TUBGCP2: variants seen among roughly 807,000 people sequenced by gnomAD.
TUBGCP2 encodes the protein tubulin gamma complex component 2, also known as gamma-tubulin complex component 2.
Under a neutral mutation model 92.2 loss-of-function variants are expected in TUBGCP2, and 55 were observed. The observed-to-expected ratio is 0.60, with a 90% confidence interval of 0.48 to 0.75. The LOEUF is 0.75. TUBGCP2 is among the 30% of genes least tolerant of loss of function. TUBGCP2 has a pLI of 0.00. For synonymous variants in TUBGCP2, 533 were observed against 505.2 expected (o/e 1.06, Z -0.74); for missense variants, 1,093 against 1,188.9 (o/e 0.92, Z 1.19).
At chr10:133,311,343 A>G (rs188726721), upstream of TUBGCP2, among the ~76,000 whole-genome samples, 211 of 152,298 alleles carry the variant, frequency 1.4e-3, no homozygotes, top group African/African-American at 4.8e-3. Context: ...AAACCGTGCA[A>G]TGCTGGATTA....
At chr10:133,311,656 G>A, upstream of TUBGCP2, 1 of 1,409,370 alleles carries the variant, frequency 7.1e-7, no homozygotes, top group Non-Finnish European at 9.8e-7. Flanking sequence ...GTTCATTTCT[G>A]GGGAACACAG....
In TUBGCP2 at chr10:133,282,341, T is replaced by G; in HGVS notation, c.2291A>C (p.Lys764Thr). The G allele has an allele frequency of 6.3e-7, 1 of 1,591,228 alleles. No homozygotes were observed. The highest frequency in any genetic ancestry group is 8.6e-7 in the Non-Finnish European group (1 of 1,167,136). Reference protein sequence around the residue: ...VCVMFTNCMQKFTQSMKLDGE... With the variant: ...VCVMFTNCMQTFTQSMKLDGE... ...ATCTAATTTCATGCTCTGTGTAAAT[T>G]TCTAGGGGGGGAGAGTCGCAAGGAA... Residue 764 changes from lysine to threonine, a missense_variant and splice_region_variant, in exon 16 of 18, where the codon AAA becomes ACA. Around this residue, in one of 3 missense-constraint regions of TUBGCP2, gnomAD observed 598 missense variants for 675.5 expected, o/e 0.89. Coordinates refer to ENST00000252936, the MANE Select transcript of TUBGCP2 (RefSeq NM_006659.4).
chr10:133,292,678 C>A lies in TUBGCP2; in HGVS notation c.1035G>T (p.Val345=), dbSNP rs755254307. ...MDILASLATS[V]DKGECLGGST... is the part of the protein sequence containing the mutation. ...ACCCCCCAAGACATTCGCCTTTGTC[C>A]ACCGAGGTGGCTGTGGGGAGAAAGG... The change falls in exon 8 of 18, where the codon GTG becomes GTT. Residue 345 remains valine (V), a synonymous_variant. Transcript: ENST00000252936. 1 of 1,613,132 alleles carries A rather than the reference C, an allele frequency of 6.2e-7. No homozygotes were observed. Among genetic ancestry groups the A allele is most frequent in the Non-Finnish European group, 8.5e-7 (1 of 1,179,544 alleles).
chr10:133,279,714 T>C lies in TUBGCP2; in HGVS notation c.*52A>G. 1 of 1,504,344 alleles carries C rather than the reference T, an allele frequency of 6.6e-7. No individual in the cohort carries two copies. Among genetic ancestry groups the C allele is most frequent in the Non-Finnish European group, 8.9e-7 (1 of 1,125,922 alleles). 93.2% of individuals were successfully genotyped at this position (1,504,344 alleles called of 1,614,324 possible). A position where few individuals can be genotyped will look rare whatever the true frequency, so the allele number is the denominator to read the frequency against. ...TTCGATTTGAAAATTCTGGACCCAT[T>C]TGCACCAGTCCCTGCTGACCCCACA... On this transcript the variant is annotated 3_prime_UTR_variant, in exon 18 of 18. Transcript: ENST00000252936.
At chr10:133,307,192 G>A (rs929348960) in intron 1 of TUBGCP2, among the ~76,000 whole-genome samples, 1 of 152,228 alleles carries the variant, frequency 6.6e-6, no homozygotes. Context: ...CCTTCTTGAT[G>A]CTCCTGAATT....
rs1564938773 is a variant in TUBGCP2, at chr10:133,291,251, CAT to C, written c.1214+1246_1214+1247del. On this transcript the variant is annotated intron_variant, in intron 8 of 17. Transcript: ENST00000252936. Reference sequence around the variant, plus strand: ...GGCAGCACGCGCCCTCCGTGTCCCCCATGTCCCTCCGTGTCCCCCATGTCCCT... The same window carrying C: ...GGCAGCACGCGCCCTCCGTGTCCCCCGTCCCTCCGTGTCCCCCATGTCCCT... 5.6e-4 allele frequency among the ~76,000 whole-genome samples: 38 copies of C among 67,364 alleles called. 4 individuals carry two copies. The African/African-American group carries it at 8.8e-3, about 16-fold the overall frequency. The allele number at this position is 67,364 out of a possible 152,430, so 44.2% of individuals were successfully genotyped here. A position where few individuals can be genotyped will look rare whatever the true frequency, so the allele number is the denominator to read the frequency against.
intron 4 of TUBGCP2, among the ~76,000 whole-genome samples, 175 bp from the exon 5 acceptor site, chr10:133,298,286 CG>C (rs1847539074): frequency 6.6e-6 from 1 of 152,222 alleles, no homozygotes; most frequent in Non-Finnish European, 1.5e-5. Context: ...CCTGCCACAA[CG>C]TGAGGGGCTG....
chr10:133,298,093 TTC>T lies in TUBGCP2; in HGVS notation c.473_474del (p.Arg158LysfsTer25). The T allele has an allele frequency of 6.2e-7, 1 of 1,613,968 alleles. No individual in the cohort carries two copies. Among genetic ancestry groups the T allele is most frequent in the Non-Finnish European group, 8.5e-7 (1 of 1,179,954 alleles). ...TTGTTCTGCTTGTCTCGAAGCATCTTTCTTTTAAGTTCCAGAGACTAGCAAGG... is the reference window on the plus strand; with the variant it reads ...TTGTTCTGCTTGTCTCGAAGCATCTTTTTTAAGTTCCAGAGACTAGCAAGG... ...STLQQSLELK[R>X]KMLRDKQNKK... On this transcript the variant is annotated frameshift_variant, in exon 5 of 18. Transcript: ENST00000252936. LOFTEE classifies it high-confidence loss of function.
At chr10:133,291,803 C>A (rs868794949) in intron 8 of TUBGCP2, among the ~76,000 whole-genome samples, 3 of 31,562 alleles carry the variant, frequency 9.5e-5, no homozygotes, top group African/African-American at 1.0e-4. Flanking sequence ...CAGCACGCGC[C>A]CTCCGTGTCC....
At chr10:133,289,086 T>C in intron 9 of TUBGCP2, 66 bp from the exon 10 acceptor site, 1 of 1,552,030 alleles carries the variant, frequency 6.4e-7, no homozygotes, top group Non-Finnish European at 8.7e-7. Flanking sequence ...GCTGTCTTTG[T>C]CTACACAGGA....
At chr10:133,283,837 G>C in intron 14 of TUBGCP2, 45 bp downstream of exon 14, 1 of 1,605,846 alleles carries the variant, frequency 6.2e-7, no homozygotes, top group Non-Finnish European at 8.5e-7. Flanking sequence ...CCCTGTGAAA[G>C]GAAAGTGGCT....
intron 13 of TUBGCP2, 135 bp from the exon 14 acceptor site, chr10:133,284,137 C>T: frequency 7.2e-7 from 1 of 1,390,226 alleles, no homozygotes; most frequent in Non-Finnish European, 9.5e-7. Flanking sequence ...GAGCAAGCGC[C>T]CCTCCCAGCA....
At chr10:133,301,725 T>TTTTTTTTTTTTC (rs1847661994) in intron 2 of TUBGCP2, 2 of 134,936 alleles carry the variant, frequency 1.5e-5, no homozygotes, top group African/African-American at 5.9e-5. Context: ...TTTTTTTTTT[T>TTTTTTTTTTTTC]TTTTTGAGAC....
At chr10:133,300,351 A>G in intron 2 of TUBGCP2, 1 of 396,634 alleles carries the variant, frequency 2.5e-6, no homozygotes. Flanking sequence ...CGAGGCTGGT[A>G]GACTGCTTGA....
Position 133,283,152 on chromosome 10 carries a change from G to C in TUBGCP2, c.2215C>G (p.Leu739Val), listed in dbSNP as rs543591470. The C allele has an allele frequency of 6.2e-7, 1 of 1,614,264 alleles. No homozygotes were observed. Among genetic ancestry groups the C allele is most frequent in the East Asian group, 2.2e-5 (1 of 44,892 alleles). Residue 739 changes from leucine (L) to valine (V), a missense_variant, in exon 15 of 18, where the codon CTC becomes GTC. By Grantham distance (32) the Leu-to-Val change is conservative. Around this residue, in one of 3 missense-constraint regions of TUBGCP2, gnomAD observed 598 missense variants for 675.5 expected, o/e 0.89. Transcript: ENST00000252936. Reference protein sequence around the residue: ...FLDTCLKDCMLTNPELLKVFS... With the variant: ...FLDTCLKDCMVTNPELLKVFS... ...ACCTTCAGCAGCTCGGGGTTGGTGA[G>C]CATGCAGTCCTTCAGGCAGGTGTCC...
chr10:133,282,248 C>T lies in TUBGCP2; in HGVS notation c.2384G>A (p.Arg795Gln), dbSNP rs35238878. Reference sequence around the variant, plus strand: ...CTTCCTGGCGAGCTCCTTCCGGGCCCGCTCCTCGGCCCCTGCGGGCAGCCC... The same window carrying T: ...CTTCCTGGCGAGCTCCTTCCGGGCCTGCTCCTCGGCCCCTGCGGGCAGCCC... Reference protein sequence around the residue: ...VLGLPAGAEERARKELARKHL... With the variant: ...VLGLPAGAEEQARKELARKHL... Residue 795 changes from arginine (R) to glutamine (Q), a missense_variant, in exon 16 of 18, where the codon CGG becomes CAG. Coordinates refer to ENST00000252936, the MANE Select transcript of TUBGCP2 (RefSeq NM_006659.4). 1.3e-5 allele frequency: 21 copies of T among 1,611,592 alleles called. No individual in the cohort carries two copies. The highest frequency in any genetic ancestry group is 5.0e-5 in the Admixed American group (3 of 59,888).
chr10:133,290,767 A>G (rs1847265533), intron 8 of TUBGCP2: 1 of 152,174 alleles, frequency 6.6e-6, no homozygotes, highest in Non-Finnish European at 1.5e-5. Flanking sequence ...GACAGAAACC[A>G]GACATCTCCA....
intron 7 of TUBGCP2, 136 bp downstream of exon 7, chr10:133,292,903 G>T: frequency 8.8e-7 from 1 of 1,140,110 alleles, no homozygotes; most frequent in Non-Finnish European, 1.2e-6. Flanking sequence ...AGCACATGGA[G>T]CAACATGAGC....
At chr10:133,312,064 T>A (rs536034942), upstream of TUBGCP2, 2 of 1,469,906 alleles carry the variant, frequency 1.4e-6, no homozygotes, top group African/African-American at 2.8e-5. Context: ...AGCGCAGGAA[T>A]GCCAAGCACC....
Sources: gnomAD v4.1 joint callset for allele counts (sites outside exome capture counted in the v4.1 genomes callset) on GRCh38, gnomAD v4.1.1 for gene constraint, gnomAD v4.1.1 regional missense constraint, MANE v1.5 for transcripts, NCBI Gene and HGNC (gene_info 2026-07-23, HGNC 2026-07-21) for gene names.